Variants in XRN1 observed in about 807,000 individuals in gnomAD.
XRN1 encodes the protein strand-exchange protein 1 homolog.
Under a neutral mutation model 222.3 loss-of-function variants are expected in XRN1, and 67 were observed. The observed-to-expected ratio is 0.30, with a 90% CI of 0.25 to 0.37. XRN1 has a LOEUF of 0.37. Ranked by LOEUF, XRN1 falls within the 10% of genes least tolerant of loss-of-function variation. The probability of loss-of-function intolerance (pLI) is 1.00; values close to 1 mark genes in which losing one functional copy is unlikely to be tolerated. For missense variants in XRN1, 1,707 were observed against 2,000.2 expected, an observed-to-expected ratio of 0.85 and a Z score of 2.80; for synonymous variants, 643 against 652.4, an observed-to-expected ratio of 0.99 and a Z score of 0.22.
In XRN1 at chr3:142,364,903, T is replaced by A; in HGVS notation, c.3394+144A>T. On this transcript the variant is annotated intron_variant, in intron 29 of 40. Coordinates refer to ENST00000392981, the MANE Select transcript of XRN1 (RefSeq NM_001282857.2). ...TTTTTTTTCTCTGAAAAGTATAACC[T>A]AAAAAAAATTTAACTAAAACATAAA... 4.6e-6 allele frequency: 4 copies of A among 872,114 alleles called. No individual in the cohort carries two copies. In the Admixed American group the frequency reaches 1.2e-4, roughly 25 times the overall value. 54.0% of individuals were successfully genotyped at this position (872,114 alleles called of 1,614,324 possible).
chr3:142,360,034 G>C (rs1447155577), intron 29 of XRN1, 103 bp from the exon 30 acceptor site: 1 of 644,748 alleles, frequency 1.6e-6, no homozygotes, highest in African/African-American at 1.9e-5. Flanking sequence ...TAAAATTCTA[G>C]ATATGATATA....
chr3:142,344,897 G>T (rs1291273259), intron 33 of XRN1, among the ~76,000 whole-genome samples: 7 of 152,048 alleles, frequency 4.6e-5, no homozygotes, highest in African/African-American at 1.7e-4. Context: ...TAGGCAAGAT[G>T]ATCATAAAAT....
chr3:142,421,881 G>A (rs2069049232), intron 8 of XRN1, among the ~76,000 whole-genome samples: 1 of 151,986 alleles, frequency 6.6e-6, no homozygotes, highest in Admixed American at 6.6e-5. Flanking sequence ...CTACCCTGTG[G>A]TCTGTTTTAT....
rs762611461 is a variant in XRN1 at position 142,418,519 on chromosome 3, A to T, written c.1331T>A (p.Val444Asp). The T allele has an allele frequency of 3.7e-6, 6 of 1,610,876 alleles. No homozygotes were observed. Among genetic ancestry groups the T allele is most frequent in the Non-Finnish European group, 5.1e-6 (6 of 1,178,660 alleles). Residue 444 changes from valine to aspartate, a missense_variant, in exon 12 of 41, where the codon GTT (valine) becomes GAT (aspartate). By Grantham distance (152) the Val-to-Asp change is radical. This residue lies in a region of XRN1 where 1,234 missense variants were observed against 1,518.2 expected (regional missense o/e 0.81). Coordinates refer to ENST00000392981, the MANE Select transcript of XRN1 (RefSeq NM_001282857.2). ...KRTYYMTKMG[V>D]DVVSDDFLAD... ...AAAAACGTACTCAGATACTACGTCAACCCCCATCTTCGTCATGTAATATGT... is the reference window on the plus strand; with the variant it reads ...AAAAACGTACTCAGATACTACGTCATCCCCCATCTTCGTCATGTAATATGT...
intron 36 of XRN1, among the ~76,000 whole-genome samples, chr3:142,331,994 T>C (rs1282871307): frequency 6.6e-6 from 1 of 152,204 alleles, no homozygotes; most frequent in African/African-American, 2.4e-5. Context: ...CAGGCTGGTC[T>C]TGAACTCCTG....
At chr3:142,356,282 C>T (rs1282623243) in intron 31 of XRN1, among the ~76,000 whole-genome samples, 1 of 152,028 alleles carries the variant, frequency 6.6e-6, no homozygotes, top group Non-Finnish European at 1.5e-5. Flanking sequence ...ACAGTGGTAA[C>T]CTATGAGATT....
chr3:142,313,210 C>A, intron 39 of XRN1: 2 of 1,601,890 alleles, frequency 1.2e-6, no homozygotes, highest in Non-Finnish European at 1.7e-6. Context: ...GTCCTGAAAT[C>A]TCATCACCTT....
rs750880193 is a variant in XRN1, at chr3:142,311,795, C to T, written c.4801G>A (p.Ala1601Thr). ...IPLQVTKKRV[A>T]NKKNFENKEA... is the part of the protein sequence containing the mutation. ...TTATTCTCAAAGTTCTTTTTGTTTGCAACCCTTTTTTTAGTAACCTGTTAG... is the reference window on the plus strand; with the variant it reads ...TTATTCTCAAAGTTCTTTTTGTTTGTAACCCTTTTTTTAGTAACCTGTTAG... The change falls in exon 41 of 41, where the codon GCA (alanine) becomes ACA (threonine). Residue 1601 changes from alanine (A) to threonine (T), a missense_variant. Physicochemically the swap from Ala to Thr is moderately conservative, Grantham distance 58. This residue lies in a region of XRN1 where 473 missense variants were observed against 482.0 expected (regional missense o/e 0.98). Transcript: ENST00000392981. The T allele has an allele frequency of 3.2e-5, 51 of 1,592,214 alleles. No homozygotes were observed. The highest frequency in any genetic ancestry group is 4.1e-5 in the Non-Finnish European group (48 of 1,170,926).
intron 20 of XRN1, among the ~76,000 whole-genome samples, chr3:142,385,984 GTATATAATTATATAACACGTTA>G (rs1240442536): frequency 6.6e-6 from 1 of 151,084 alleles, no homozygotes; most frequent in Non-Finnish European, 1.5e-5. Flanking sequence ...ATATAATATA[GTATATAATTATATAACACGTTA>G]TATATTTTTT....
Position 142,355,401 on chromosome 3 carries a change from C to A in XRN1, c.3768G>T (p.Lys1256Asn). 1 of 1,506,978 alleles carries A rather than the reference C, an allele frequency of 6.6e-7. No homozygotes were observed. The highest frequency in any genetic ancestry group is 8.9e-7 in the Non-Finnish European group (1 of 1,120,106). The allele number at this position is 1,506,978 out of a possible 1,614,324, so 93.4% of individuals were successfully genotyped here. ...MQYFQPTIQE[K>N]GAVLPQEISQ... Reference sequence around the variant, plus strand: ...GTCCATCAAAACAAGGAATACTAACCTTCTCTTGTATAGTTGGCTGAAAGT... The same window carrying A: ...GTCCATCAAAACAAGGAATACTAACATTCTCTTGTATAGTTGGCTGAAAGT... Residue 1256 changes from lysine to asparagine, a missense_variant and splice_region_variant, in exon 32 of 41, where the codon AAG becomes AAT. Physicochemically the swap from Lys to Asn is moderately conservative, Grantham distance 94. Around this residue, in one of 2 missense-constraint regions of XRN1, gnomAD observed 1,234 missense variants for 1,518.2 expected, o/e 0.81. Transcript: ENST00000392981.
intron 28 of XRN1, 56 bp from the exon 29 acceptor site, chr3:142,365,235 A>G (rs1440946769): frequency 1.9e-6 from 3 of 1,582,188 alleles, no homozygotes; most frequent in Non-Finnish European, 1.7e-6. Flanking sequence ...ATACTAATAT[A>G]CTGAAAACAT....
intron 37 of XRN1, among the ~76,000 whole-genome samples, chr3:142,328,262 C>T (rs111899567): frequency 0.048 from 7,293 of 152,132 alleles, 594 homozygotes; most frequent in African/African-American, 0.17. Context: ...TTTTTGGATG[C>T]AGGGATTTAT....
intron 36 of XRN1, 116 bp from the exon 37 acceptor site, chr3:142,329,731 T>G: frequency 5.4e-6 from 5 of 921,766 alleles, no homozygotes; most frequent in Non-Finnish European, 7.6e-6. Context: ...GTGAAGTGAA[T>G]TGCTCAAGGC....
intron 39 of XRN1, among the ~76,000 whole-genome samples, chr3:142,314,351 T>C (rs1273935169): frequency 1.3e-5 from 2 of 152,122 alleles, no homozygotes; most frequent in African/African-American, 4.8e-5. Flanking sequence ...GGTTAAAATA[T>C]CAATAATAAA....
chr3:142,370,000 T>A lies in XRN1; in HGVS notation c.3204+485A>T, dbSNP rs370357498. Among the ~76,000 whole-genome samples the A allele has an allele frequency of 1.3e-4, 19 of 147,646 alleles. No homozygotes were observed. The East Asian group carries it at 3.2e-3, about 25-fold the overall frequency. ...AGGCGGAGGTTGCAGTGAGCCGAGA[T>A]CCTGCCACTGCACTCCAGCCTGGGC... On this transcript the variant is annotated intron_variant, in intron 27 of 40. Transcript: ENST00000392981.
chr3:142,334,553 C>A (rs1410271590), intron 34 of XRN1, among the ~76,000 whole-genome samples: 1 of 151,760 alleles, frequency 6.6e-6, no homozygotes, highest in East Asian at 1.9e-4. Context: ...CTTGGCTTCC[C>A]CCACACCAAT....
intron 1 of XRN1, among the ~76,000 whole-genome samples, chr3:142,441,842 C>T (rs898085105): frequency 7.2e-5 from 11 of 152,174 alleles, no homozygotes; most frequent in Non-Finnish European, 1.0e-4. Context: ...CTAAGCCGCT[C>T]GAGGGGACCT....
Position 142,412,658 on chromosome 3 carries a change from C to T in XRN1, c.1599G>A (p.Leu533=). 1 of 1,573,698 alleles carries T rather than the reference C, an allele frequency of 6.4e-7. No individual in the cohort carries two copies. The highest frequency in any genetic ancestry group is 8.7e-7 in the Non-Finnish European group (1 of 1,153,770). Residue 533 remains leucine, a synonymous_variant, in exon 15 of 41, where the codon TTG becomes TTA. Transcript: ENST00000392981. ...TAATTGGTGAGTCTTCATTGGTCAT[C>T]AAATGCTGTGAAAATATGAAATAGT... The part of the protein sequence containing the change: ...KNLLPACYQH[L]MTNEDSPIIE...
At position 142,307,511 on chromosome 3, in the gene XRN1, C is replaced by T. The variant is rs2064993920; in HGVS notation, c.*4000G>A. ...TATTATTTGTTCACTGACACACACA[C>T]AAAAGCAGCTACAGATAGTTGACAT... On this transcript the variant is annotated 3_prime_UTR_variant, in exon 41 of 41. Transcript: ENST00000392981. 6.6e-6 allele frequency: 1 copy of T among 152,128 alleles called. No homozygotes were observed. Among genetic ancestry groups the T allele is most frequent in the African/African-American group, 2.4e-5 (1 of 41,444 alleles). The allele number at this position is 152,128 out of a possible 1,614,324, so 9.4% of individuals were successfully genotyped here.
Sources: gnomAD v4.1 joint callset for allele counts (sites outside exome capture counted in the v4.1 genomes callset) on GRCh38, gnomAD v4.1.1 for gene constraint, gnomAD v4.1.1 regional missense constraint, MANE v1.5 for transcripts, NCBI Gene and HGNC (gene_info 2026-07-23, HGNC 2026-07-21) for gene names.